Variants in ZNF385D observed in about 807,000 individuals in gnomAD.
The protein encoded by ZNF385D is zinc finger protein 385D.
A neutral mutation model predicts 35.8 loss-of-function variants in ZNF385D; 15 were observed. That is an observed-to-expected ratio of 0.42 (90% CI 0.28 to 0.64). The LOEUF (loss-of-function observed/expected upper bound fraction) is 0.64, where lower values mean the gene tolerates loss of function less well. Ranked by LOEUF, ZNF385D falls within the 30% of genes least tolerant of loss-of-function variation. The pLI is 0.23. For missense variants in ZNF385D, 474 were observed against 494.6 expected (o/e 0.96, Z 0.39); for synonymous variants, 212 against 186.8 (o/e 1.13, Z -1.10).
intron 1 of ZNF385D, among the ~76,000 whole-genome samples, chr3:21,688,909 AACATACT>A (rs1477368430): frequency 4.6e-5 from 7 of 152,184 alleles, no homozygotes; most frequent in Non-Finnish European, 1.0e-4. Context: ...TGTTTCCAAC[AACATACT>A]ACAATATATA....
chr3:22,228,649 G>A lies in ZNF385D; in HGVS notation c.107-59614C>T, dbSNP rs552542257. Among the ~76,000 whole-genome samples, 16 of 152,308 alleles carry A rather than the reference G, an allele frequency of 1.1e-4. No homozygotes were observed. In the South Asian group the frequency reaches 3.1e-3, roughly 30 times the overall value. ...ACTCGATTGGTTTGAAGGTTGCAAAGTATTGTTCCTGGGTGGGTCTGTGAG... is the reference window on the plus strand; with the variant it reads ...ACTCGATTGGTTTGAAGGTTGCAAAATATTGTTCCTGGGTGGGTCTGTGAG... On this transcript the variant is annotated intron_variant, in intron 2 of 5. Coordinates refer to the ZNF385D transcript ENST00000494108.
At chr3:21,969,174 C>A (rs1703090065) in intron 3 of ZNF385D, among the ~76,000 whole-genome samples, 7 of 152,104 alleles carry the variant, frequency 4.6e-5, no homozygotes, top group Admixed American at 4.6e-4. Context: ...TTTTGTGTGA[C>A]TTGGGTGGCA....
At chr3:21,839,761 C>T (rs375251715) in intron 3 of ZNF385D, among the ~76,000 whole-genome samples, 1 of 151,914 alleles carries the variant, frequency 6.6e-6, no homozygotes, top group Non-Finnish European at 1.5e-5. Flanking sequence ...AAAAGTGATC[C>T]CTGGAGAGTC....
chr3:21,607,725 T>A (rs999323174), intron 2 of ZNF385D, among the ~76,000 whole-genome samples: 38 of 152,112 alleles, frequency 2.5e-4, no homozygotes, highest in African/African-American at 8.9e-4. Context: ...CAGCCCAGCA[T>A]GCATGTTGGG....
chr3:21,668,772 A>T (rs1273359084), intron 1 of ZNF385D, among the ~76,000 whole-genome samples: 1 of 152,240 alleles, frequency 6.6e-6, no homozygotes, highest in African/African-American at 2.4e-5. Context: ...GGCAAATATA[A>T]TATGTTTCAT....
chr3:21,778,186 T>C (rs1296588517), intron 3 of ZNF385D, among the ~76,000 whole-genome samples: 5 of 151,930 alleles, frequency 3.3e-5, no homozygotes, highest in African/African-American at 1.2e-4. Flanking sequence ...GCCCCTCATT[T>C]AGAAACAGTG....
chr3:21,775,872 CTTT>C (rs1261049184), intron 3 of ZNF385D, among the ~76,000 whole-genome samples: 1 of 151,450 alleles, frequency 6.6e-6, no homozygotes, highest in African/African-American at 2.4e-5. Context: ...AAGACATGCT[CTTT>C]TTTAAATATT....
intron 2 of ZNF385D, among the ~76,000 whole-genome samples, chr3:21,596,857 G>C (rs1311337568): frequency 2.6e-5 from 4 of 151,976 alleles, no homozygotes; most frequent in Non-Finnish European, 5.9e-5. Flanking sequence ...CTCTGCATAG[G>C]TAAGAAATAC....
chr3:22,096,608 CTTAGG>C (rs1484692222), intron 3 of ZNF385D, among the ~76,000 whole-genome samples: 1 of 151,970 alleles, frequency 6.6e-6, no homozygotes, highest in Non-Finnish European at 1.5e-5. Flanking sequence ...TTTCTGACCC[CTTAGG>C]GTTAAAGGCA....
chr3:21,595,181 C>T (rs1395063291), intron 2 of ZNF385D, among the ~76,000 whole-genome samples: 1 of 152,038 alleles, frequency 6.6e-6, no homozygotes, highest in African/African-American at 2.4e-5. Context: ...AGTATTTCTC[C>T]CAGGGACAAG....
rs895238904 is a variant in ZNF385D at position 21,849,037 on chromosome 3, G to A, written c.326-184009C>T. 4.0e-5 allele frequency among the ~76,000 whole-genome samples: 6 copies of A among 151,884 alleles called. No individual in the cohort carries two copies. The East Asian group carries it at 1.2e-3, about 29-fold the overall frequency. On this transcript the variant is annotated intron_variant, in intron 3 of 5. Coordinates refer to the ZNF385D transcript ENST00000494108. ...TCAACAGTGTAAGCACTACTTCTAC[G>A]TGGTCACTCTCACTATGTCTGAATT...
At chr3:21,998,261 G>A (rs1390759081) in intron 3 of ZNF385D, among the ~76,000 whole-genome samples, 1 of 152,110 alleles carries the variant, frequency 6.6e-6, no homozygotes, top group Non-Finnish European at 1.5e-5. Context: ...CTGCCTATGT[G>A]ATAACTCTGC....
intron 3 of ZNF385D, among the ~76,000 whole-genome samples, chr3:21,920,737 A>G (rs1185246741): frequency 6.6e-6 from 1 of 152,042 alleles, no homozygotes; most frequent in African/African-American, 2.4e-5. Flanking sequence ...AACTCTCCCC[A>G]CACTGGCGCT....
intron 3 of ZNF385D, among the ~76,000 whole-genome samples, chr3:21,834,297 C>A (rs1472218791): frequency 2.6e-5 from 4 of 152,120 alleles, no homozygotes; most frequent in African/African-American, 9.7e-5. Flanking sequence ...CAAGTCTAAA[C>A]AGCAAAACTC....
chr3:21,592,305 G>C (rs1290811486), intron 2 of ZNF385D, among the ~76,000 whole-genome samples: 2 of 151,970 alleles, frequency 1.3e-5, no homozygotes, highest in East Asian at 3.9e-4. Context: ...GAATGATACT[G>C]TTCTTCAGTA....
At chr3:21,850,061 T>C (rs1192990365) in intron 3 of ZNF385D, among the ~76,000 whole-genome samples, 1 of 152,084 alleles carries the variant, frequency 6.6e-6, no homozygotes, top group Non-Finnish European at 1.5e-5. Context: ...GTTTATTGAG[T>C]TTAAATAGTT....
intron 2 of ZNF385D, among the ~76,000 whole-genome samples, chr3:22,244,585 T>G (rs574283153): frequency 1.3e-5 from 2 of 150,974 alleles, no homozygotes; most frequent in African/African-American, 4.9e-5. Flanking sequence ...AATGTCCCTT[T>G]CAAGTACATC....
At chr3:21,919,428 C>G (rs1299543335) in intron 3 of ZNF385D, among the ~76,000 whole-genome samples, 4 of 152,046 alleles carry the variant, frequency 2.6e-5, no homozygotes, top group Admixed American at 2.6e-4. Context: ...AGGCATTTAC[C>G]AATAGTCACT....
chr3:22,196,408 C>A (rs189337240), intron 2 of ZNF385D, among the ~76,000 whole-genome samples: 1 of 152,004 alleles, frequency 6.6e-6, no homozygotes, highest in African/African-American at 2.4e-5. Context: ...ATATTATTTA[C>A]ATTTGAAAAC....
Sources: gnomAD v4.1 joint callset for allele counts (sites outside exome capture counted in the v4.1 genomes callset) on GRCh38, gnomAD v4.1.1 for gene constraint, MANE v1.5 for transcripts, NCBI Gene and HGNC (gene_info 2026-07-23, HGNC 2026-07-21) for gene names.